Variants in ADAMTSL4 observed in about 807,000 individuals in gnomAD.
ADAMTSL4 encodes the protein ADAMTS-like protein 4.
In ADAMTSL4, 97 loss-of-function variants were observed where a neutral mutation model predicts 122.8. That is an observed-to-expected ratio of 0.79 (90% CI 0.67 to 0.93). The LOEUF is 0.93. Ranked by LOEUF, ADAMTSL4 falls within the 40% of genes least tolerant of loss-of-function variation. ADAMTSL4 has a pLI of 0.00. For missense variants in ADAMTSL4, 1,408 were observed against 1,453.5 expected (o/e 0.97, Z 0.51); for synonymous variants, 592 against 568.0 (o/e 1.04, Z -0.60).
rs185549053 is a variant in ADAMTSL4 at position 150,555,444 on chromosome 1, G to A, written c.1250G>A (p.Arg417His). 59 of 1,614,072 alleles carry A rather than the reference G, an allele frequency of 3.7e-5. 1 individual carries two copies. The East Asian group carries it at 1.1e-3, about 29-fold the overall frequency. ...EPFTEVQGSQ[R>H]CELNCRPRGF... ...TGTCCCTTAGTCCAGGGCTCCCAGC[G>A]CTGTGAACTGAACTGCCGGCCCCGT... Residue 417 changes from arginine (R) to histidine (H), a missense_variant, in exon 8 of 19, where the codon CGC becomes CAC. Coordinates refer to ENST00000271643, the MANE Select transcript of ADAMTSL4 (RefSeq NM_019032.6).
Position 150,553,619 on chromosome 1 carries a change from C to A in ADAMTSL4, c.628C>A (p.Pro210Thr). The change falls in exon 6 of 19, where the codon CCC (proline) becomes ACC (threonine). Residue 210 changes from proline (P) to threonine (T), a missense_variant. Physicochemically the swap from Pro to Thr is conservative, Grantham distance 38. Transcript: ENST00000271643. ...RAEPFSANGS[P>T]QTELPPTELS... is the part of the protein sequence containing the mutation. The stretch of plus-strand genomic sequence containing the variant: ...AGAGCCATTCTCCGCAAACGGCAGC[C>A]CCCAAACTGAGCTCCCTCCCACAGA... 6.2e-7 allele frequency: 1 copy of A among 1,613,854 alleles called. No homozygotes were observed. Among genetic ancestry groups the A allele is most frequent in the African/African-American group, 1.3e-5 (1 of 74,912 alleles).
chr1:150,557,379 C>T (rs757876134), intron 12 of ADAMTSL4, 44 bp downstream of exon 12: 34 of 1,602,334 alleles, frequency 2.1e-5, no homozygotes, highest in Non-Finnish European at 2.9e-5. Flanking sequence ...TCCAAACCCC[C>T]CAACTGACAC....
Position 150,560,321 on chromosome 1 carries a change from A to G in ADAMTSL4, c.*125A>G, listed in dbSNP as rs1381554066. 6 of 1,436,606 alleles carry G rather than the reference A, an allele frequency of 4.2e-6. No homozygotes were observed. The highest frequency in any genetic ancestry group is 5.6e-6 in the Non-Finnish European group (6 of 1,067,018). 89.0% of individuals were successfully genotyped at this position (1,436,606 alleles called of 1,614,324 possible). A position where few individuals can be genotyped will look rare whatever the true frequency, so the allele number is the denominator to read the frequency against. The stretch of plus-strand genomic sequence containing the variant: ...AGCAGGGATGTCCTCCAGGTGACAG[A>G]GGGTGGCAAGGTGACTGACACAAAG... On this transcript the variant is annotated 3_prime_UTR_variant, in exon 19 of 19. Transcript: ENST00000271643.
chr1:150,553,375 A>C (rs1310402080), intron 5 of ADAMTSL4, 51 bp from the exon 6 acceptor site: 1 of 1,608,814 alleles, frequency 6.2e-7, no homozygotes, highest in Non-Finnish European at 8.5e-7. Flanking sequence ...CTGGGGAAAC[A>C]GGGTCAGAGG....
At position 150,558,507 on chromosome 1, in the gene ADAMTSL4, G is replaced by C; in HGVS notation, c.2417G>C (p.Arg806Pro). ...CGGTGCGGCCGGGGCCAGAGAAGCCGGCAGGTTCGCTGTGTTGGGAACAAT... is the reference window on the plus strand; with the variant it reads ...CGGTGCGGCCGGGGCCAGAGAAGCCCGCAGGTTCGCTGTGTTGGGAACAAT... ...SVRCGRGQRS[R>P]QVRCVGNNGD... is the part of the protein sequence containing the mutation. The change falls in exon 15 of 19, where the codon CGG becomes CCG. Residue 806 changes from arginine (R) to proline (P), a missense_variant. Physicochemically the swap from Arg to Pro is moderately radical, Grantham distance 103. Coordinates refer to ENST00000271643, the MANE Select transcript of ADAMTSL4 (RefSeq NM_019032.6). 6.2e-7 allele frequency: 1 copy of C among 1,613,778 alleles called. No homozygotes were observed. The highest frequency in any genetic ancestry group is 8.5e-7 in the Non-Finnish European group (1 of 1,179,984).
intron 2 of ADAMTSL4, chr1:150,550,226 C>T (rs1435056260): frequency 1.1e-5 from 5 of 456,680 alleles, no homozygotes; most frequent in African/African-American, 4.0e-5. Context: ...CTGACCTCTC[C>T]TTTCCTCGTC....
Position 150,552,073 on chromosome 1 carries a change from C to A in ADAMTSL4, c.-84-132C>A, listed in dbSNP as rs988627604. On this transcript the variant is annotated intron_variant, in intron 2 of 18. Transcript: ENST00000271643. This position sits in a 1 kb window ranked among gnomAD's most constrained non-coding sequence, Gnocchi z 4.0. The stretch of plus-strand genomic sequence containing the variant: ...TACAGATGGACAAGGCAGTGATCCT[C>A]CCTGCTCCCACCCTGAGGATCCTAA... 2 of 608,072 alleles carry A rather than the reference C, an allele frequency of 3.3e-6. No homozygotes were observed. The highest frequency in any genetic ancestry group is 3.7e-5 in the African/African-American group (2 of 53,862). The allele number at this position is 608,072 out of a possible 1,614,324, so 37.7% of individuals were successfully genotyped here.
Position 150,560,045 on chromosome 1 carries a change from C to T in ADAMTSL4, c.3089-15C>T. On this transcript the variant is annotated splice_polypyrimidine_tract_variant and intron_variant, in intron 18 of 18. Coordinates refer to ENST00000271643, the MANE Select transcript of ADAMTSL4 (RefSeq NM_019032.6). Reference sequence around the variant, plus strand: ...TGGTGACTCTCTTGTGCCCACTGGCCTCCTCTGTCCCCAGATGATCAATGC... The same window carrying T: ...TGGTGACTCTCTTGTGCCCACTGGCTTCCTCTGTCCCCAGATGATCAATGC... The T allele has an allele frequency of 6.2e-7, 1 of 1,614,092 alleles. No homozygotes were observed. The highest frequency in any genetic ancestry group is 8.5e-7 in the Non-Finnish European group (1 of 1,180,010).
In ADAMTSL4 at chr1:150,553,567, G is replaced by A; in HGVS notation, c.576G>A (p.Glu192=). Reference sequence around the variant, plus strand: ...CCCTGATCTCTTCTAGAGGGGAAGAGGCTATTCCGTCCCCTACTCCAAGAG... The same window carrying A: ...CCCTGATCTCTTCTAGAGGGGAAGAAGCTATTCCGTCCCCTACTCCAAGAG... The part of the protein sequence containing the change: ...ELSLISSRGE[E]AIPSPTPRAE... The change falls in exon 6 of 19, where the codon GAG becomes GAA. Residue 192 remains glutamate, a synonymous_variant. Coordinates refer to ENST00000271643, the MANE Select transcript of ADAMTSL4 (RefSeq NM_019032.6). The A allele has an allele frequency of 1.9e-6, 3 of 1,613,758 alleles. No individual in the cohort carries two copies. The highest frequency in any genetic ancestry group is 2.5e-6 in the Non-Finnish European group (3 of 1,179,932).
Position 150,558,543 on chromosome 1 carries a change from T to C in ADAMTSL4, c.2453T>C (p.Val818Ala). The change falls in exon 15 of 19, where the codon GTG (valine) becomes GCG (alanine). Residue 818 changes from valine to alanine, a missense_variant. Coordinates refer to ENST00000271643, the MANE Select transcript of ADAMTSL4 (RefSeq NM_019032.6). ...VRCVGNNGDE[V>A]SEQECASGPP... Reference sequence around the variant, plus strand: ...TGTGTTGGGAACAATGGTGATGAAGTGAGCGAGCAGGAGTGTGCGTCAGGC... The same window carrying C: ...TGTGTTGGGAACAATGGTGATGAAGCGAGCGAGCAGGAGTGTGCGTCAGGC... The C allele has an allele frequency of 6.2e-7, 1 of 1,613,800 alleles. No individual in the cohort carries two copies. Among genetic ancestry groups the C allele is most frequent in the Non-Finnish European group, 8.5e-7 (1 of 1,179,946 alleles).
Position 150,558,615 on chromosome 1 carries a change from C to G in ADAMTSL4, c.2525C>G (p.Thr842Ser). 6.2e-7 allele frequency: 1 copy of G among 1,613,944 alleles called. No homozygotes were observed. The highest frequency in any genetic ancestry group is 8.5e-7 in the Non-Finnish European group (1 of 1,180,010). Reference sequence around the variant, plus strand: ...GAGGCCTGTGACATGGGGCCCTGTACTACTGCCTGGTTCCACAGCGACTGG... The same window carrying G: ...GAGGCCTGTGACATGGGGCCCTGTAGTACTGCCTGGTTCCACAGCGACTGG... The part of the protein sequence containing the change: ...SREACDMGPC[T>S]TAWFHSDWSS... Residue 842 changes from threonine to serine, a missense_variant, in exon 15 of 19, where the codon ACT becomes AGT. By Grantham distance (58) the Thr-to-Ser change is moderately conservative. Coordinates refer to ENST00000271643, the MANE Select transcript of ADAMTSL4 (RefSeq NM_019032.6).
rs1434281190 is a variant in ADAMTSL4, at chr1:150,552,266, C to T, written c.-23C>T. ...TGTGACCAGTCCGCTCCTGCCTCCC[C>T]CTGGGGCAGTAGAGGGGGAGCGATG... On this transcript the variant is annotated 5_prime_UTR_variant, in exon 3 of 19. Transcript: ENST00000271643. The surrounding 1 kb of genome is among the most constrained non-coding windows in gnomAD (Gnocchi z 4.0). 6.4e-7 allele frequency: 1 copy of T among 1,551,758 alleles called. No individual in the cohort carries two copies. Among genetic ancestry groups the T allele is most frequent in the East Asian group, 2.4e-5 (1 of 41,096 alleles).
Position 150,554,678 on chromosome 1 carries a change from G to A in ADAMTSL4, c.1234+211G>A. 1.3e-6 allele frequency: 2 copies of A among 1,533,358 alleles called. No individual in the cohort carries two copies. The highest frequency in any genetic ancestry group is 1.7e-6 in the Non-Finnish European group (2 of 1,144,392). The allele number at this position is 1,533,358 out of a possible 1,614,324, so 95.0% of individuals were successfully genotyped here. ...GGTCGGGGTGGGAGGAGGAGGTGTG[G>A]GAGACACGCTTTGTCCGGACTCCCC... On this transcript the variant is annotated intron_variant, in intron 7 of 18. Coordinates refer to ENST00000271643, the MANE Select transcript of ADAMTSL4 (RefSeq NM_019032.6). The surrounding 1 kb of genome is among the most constrained non-coding windows in gnomAD (Gnocchi z 4.0).
Position 150,557,381 on chromosome 1 carries a change from A to C in ADAMTSL4, c.2047+46A>C, listed in dbSNP as rs371304382. ...CCCCGCATCTCGGTCCAAACCCCCC[A>C]ACTGACACTCCCGCATCCTGGATTG... On this transcript the variant is annotated intron_variant, in intron 12 of 18. Transcript: ENST00000271643. 61 of 1,602,618 alleles carry C rather than the reference A, an allele frequency of 3.8e-5. No individual in the cohort carries two copies. The African/African-American group carries it at 7.5e-4, about 20-fold the overall frequency.
At position 150,552,361 on chromosome 1, in the gene ADAMTSL4, G is replaced by A. The variant is rs1401199444; in HGVS notation, c.20+53G>A. On this transcript the variant is annotated intron_variant, in intron 3 of 18. Transcript: ENST00000271643. This position sits in a 1 kb window ranked among gnomAD's most constrained non-coding sequence, Gnocchi z 4.0. ...GGAGGAAAAGGGGAGGTGCTGGGATGGCTCTGTGTCTGGAAGTGAGGGAAA... is the reference window on the plus strand; with the variant it reads ...GGAGGAAAAGGGGAGGTGCTGGGATAGCTCTGTGTCTGGAAGTGAGGGAAA... The A allele has an allele frequency of 2.7e-5, 41 of 1,547,018 alleles. No homozygotes were observed. Among genetic ancestry groups the A allele is most frequent in the Non-Finnish European group, 3.4e-5 (39 of 1,141,178 alleles).
chr1:150,552,390 G>T lies in ADAMTSL4; in HGVS notation c.20+82G>T. 1.3e-6 allele frequency: 2 copies of T among 1,534,692 alleles called. No individual in the cohort carries two copies. The highest frequency in any genetic ancestry group is 1.8e-6 in the Non-Finnish European group (2 of 1,127,202). ...CTGTGTCTGGAAGTGAGGGAAAGGG[G>T]ACCACTGGGAGGGGCAGGGGAAGTG... On this transcript the variant is annotated intron_variant, in intron 3 of 18. Transcript: ENST00000271643. This position sits in a 1 kb window ranked among gnomAD's most constrained non-coding sequence, Gnocchi z 4.0.
Position 150,557,171 on chromosome 1 carries a change from C to G in ADAMTSL4, c.1883C>G (p.Pro628Arg). The G allele has an allele frequency of 6.2e-7, 1 of 1,611,958 alleles. No homozygotes were observed. Among genetic ancestry groups the G allele is most frequent in the East Asian group, 2.2e-5 (1 of 44,846 alleles). The part of the protein sequence containing the change: ...LQPEILRVEP[P>R]LAPAPRPART... Reference sequence around the variant, plus strand: ...ACAGAGATTCTGAGGGTGGAGCCCCCACTTGCTCCGGCACCCCGCCCAGCC... The same window carrying G: ...ACAGAGATTCTGAGGGTGGAGCCCCGACTTGCTCCGGCACCCCGCCCAGCC... The change falls in exon 12 of 19, where the codon CCA (proline) becomes CGA (arginine). Residue 628 changes from proline (P) to arginine (R), a missense_variant. Coordinates refer to ENST00000271643, the MANE Select transcript of ADAMTSL4 (RefSeq NM_019032.6).
At position 150,552,105 on chromosome 1, in the gene ADAMTSL4, G is replaced by A. The variant is rs1671468599; in HGVS notation, c.-84-100G>A. The A allele has an allele frequency of 1.6e-6, 1 of 635,306 alleles. No individual in the cohort carries two copies. Among genetic ancestry groups the A allele is most frequent in the Admixed American group, 2.9e-5 (1 of 34,248 alleles). The allele number at this position is 635,306 out of a possible 1,614,324, so 39.4% of individuals were successfully genotyped here. On this transcript the variant is annotated intron_variant, in intron 2 of 18. Transcript: ENST00000271643. The surrounding 1 kb of genome is among the most constrained non-coding windows in gnomAD (Gnocchi z 4.0). The stretch of plus-strand genomic sequence containing the variant: ...CCCACCCTGAGGATCCTAAAGGGAT[G>A]GACCAGTTTCACCCCCTCCTCCATA...
chr1:150,550,524 AG>A, intron 2 of ADAMTSL4: 1 of 346,304 alleles, frequency 2.9e-6, no homozygotes, highest in Non-Finnish European at 5.8e-6. Flanking sequence ...TCTCGGTGGC[AG>A]AGAGAAGCAG....
Sources: allele counts gnomAD v4.1 joint callset, GRCh38; gene constraint gnomAD v4.1.1; non-coding constraint Gnocchi (gnomAD v3.1); transcripts MANE v1.5; gene names NCBI Gene and HGNC (gene_info 2026-07-23, HGNC 2026-07-21).